Variants in RECQL observed in about 807,000 individuals in gnomAD.
The protein encoded by RECQL is ATP-dependent DNA helicase Q1.
A neutral mutation model predicts 75.8 loss-of-function variants in RECQL; 73 were observed. The observed-to-expected ratio is 0.96, with a 90% CI of 0.80 to 1.17. RECQL has a LOEUF of 1.17. RECQL is among the 50% of genes most tolerant of loss of function. RECQL has a pLI of 0.00. For synonymous variants in RECQL, 248 were observed against 254.4 expected (o/e 0.97, Z 0.24); for missense variants, 699 against 772.1 (o/e 0.91, Z 1.12).
Position 21,474,918 on chromosome 12 carries a change from T to C in RECQL, c.1278A>G (p.Ile426Met), listed in dbSNP as rs1418307849. Reference sequence around the variant, plus strand: ...CATTTTCCATCACCACCATTGAACTTATTCTGAATATATCTCCAAAGCCGT... The same window carrying C: ...CATTTTCCATCACCACCATTGAACTCATTCTGAATATATCTCCAAAGCCGT... ...LYYGFGDIFR[I>M]SSMVVMENVG... is the part of the protein sequence containing the mutation. The change falls in exon 11 of 15, where the codon ATA becomes ATG. Residue 426 changes from isoleucine to methionine, a missense_variant. Coordinates refer to ENST00000444129, the MANE Select transcript of RECQL (RefSeq NM_002907.4). 6.8e-6 allele frequency: 11 copies of C among 1,613,036 alleles called. No homozygotes were observed. Among genetic ancestry groups the C allele is most frequent in the Non-Finnish European group, 8.5e-6 (10 of 1,179,226 alleles).
chr12:21,494,106 GGTGTGTCACACA>G (rs1159466264), intron 2 of RECQL, among the ~76,000 whole-genome samples: 1 of 152,170 alleles, frequency 6.6e-6, no homozygotes. Flanking sequence ...AAGGGGGGCA[GGTGTGTCACACA>G]GTGGGAGATA....
intron 2 of RECQL, among the ~76,000 whole-genome samples, chr12:21,495,933 G>A (rs1177715515): frequency 6.6e-6 from 1 of 152,156 alleles, no homozygotes; most frequent in Non-Finnish European, 1.5e-5. Context: ...GTTTCAGAAT[G>A]TATACTGAGA....
chr12:21,476,894 G>T lies in RECQL; in HGVS notation c.949+17C>A, dbSNP rs753467065. 3.8e-6 allele frequency: 6 copies of T among 1,567,466 alleles called. No individual in the cohort carries two copies. The highest frequency in any genetic ancestry group is 1.2e-5 in the South Asian group (1 of 84,690). ...AAAGTTATCTCTGTCTCCAAAGTTG[G>T]TTTGTTTTTACATTACCTGATTGCC... On this transcript the variant is annotated intron_variant, in intron 8 of 14. Coordinates refer to ENST00000444129, the MANE Select transcript of RECQL (RefSeq NM_002907.4).
chr12:21,480,385 G>T (rs1262127249), intron 6 of RECQL, among the ~76,000 whole-genome samples: 2 of 152,218 alleles, frequency 1.3e-5, no homozygotes, highest in African/African-American at 4.8e-5. Context: ...GTGGAAGGGA[G>T]CTCAACTGTA....
chr12:21,491,448 AAG>A, intron 3 of RECQL, 69 bp downstream of exon 3: 1 of 1,430,876 alleles, frequency 7.0e-7, no homozygotes, highest in Non-Finnish European at 9.3e-7. Context: ...CTGTCCCATC[AAG>A]AATTCATTCT....
At chr12:21,471,299 T>C in intron 13 of RECQL, 129 bp downstream of exon 13, 2 of 986,052 alleles carry the variant, frequency 2.0e-6, no homozygotes, top group Non-Finnish European at 1.5e-6. Context: ...TTGAGTGTTT[T>C]AGGTAAATTA....
rs1420262853 is a variant in RECQL, at chr12:21,483,477, A to C, written c.599T>G (p.Phe200Cys). 1.3e-6 allele frequency: 2 copies of C among 1,590,384 alleles called. No homozygotes were observed. The highest frequency in any genetic ancestry group is 4.5e-5 in the East Asian group (2 of 44,414). The change falls in exon 6 of 15, where the codon TTT (phenylalanine) becomes TGT (cysteine). Residue 200 changes from phenylalanine (F) to cysteine (C), a missense_variant. Coordinates refer to ENST00000444129, the MANE Select transcript of RECQL (RefSeq NM_002907.4). The part of the protein sequence containing the change: ...TPEKIAKSKM[F>C]MSRLEKAYEA... Reference sequence around the variant, plus strand: ...ATAGGCTTTCTCTAGTCTTGACATAAACATTTTGCTTTTTGCAATTTTCTC... The same window carrying C: ...ATAGGCTTTCTCTAGTCTTGACATACACATTTTGCTTTTTGCAATTTTCTC...
At chr12:21,476,477 C>T (rs1000385481) in intron 8 of RECQL, among the ~76,000 whole-genome samples, 1 of 152,028 alleles carries the variant, frequency 6.6e-6, no homozygotes, top group Non-Finnish European at 1.5e-5. Context: ...ACTCACAACT[C>T]GATCTGTGCT....
At position 21,471,474 on chromosome 12, in the gene RECQL, C is replaced by T. The variant is rs1036542585; in HGVS notation, c.1621G>A (p.Asp541Asn). 6.2e-7 allele frequency: 1 copy of T among 1,613,176 alleles called. No individual in the cohort carries two copies. Among genetic ancestry groups the T allele is most frequent in the Non-Finnish European group, 8.5e-7 (1 of 1,179,422 alleles). The change falls in exon 13 of 15, where the codon GAT becomes AAT. Residue 541 changes from aspartate (D) to asparagine (N), a missense_variant. Physicochemically the swap from Asp to Asn is conservative, Grantham distance 23. Transcript: ENST00000444129. ...AAGTGTGCAATAATCTTCTCCAGAT[C>T]TTCACGAGGAAGTGTGGGAGCCACA... ...GVVAPTLPRE[D>N]LEKIIAHFLI...
rs773053494 is a variant in RECQL at position 21,476,893 on chromosome 12, GGTTT to G, written c.949+14_949+17del. The G allele has an allele frequency of 3.7e-5, 57 of 1,544,452 alleles. No individual in the cohort carries two copies. Among genetic ancestry groups the G allele is most frequent in the Non-Finnish European group, 4.5e-5 (51 of 1,131,516 alleles). On this transcript the variant is annotated intron_variant, in intron 8 of 14. Transcript: ENST00000444129. Reference sequence around the variant, plus strand: ...GAAAGTTATCTCTGTCTCCAAAGTTGGTTTGTTTTTACATTACCTGATTGCCCTT... The same window carrying G: ...GAAAGTTATCTCTGTCTCCAAAGTTGGTTTTTACATTACCTGATTGCCCTT...
At chr12:21,495,735 A>G (rs746156211) in intron 2 of RECQL, among the ~76,000 whole-genome samples, 20 of 152,252 alleles carry the variant, frequency 1.3e-4, no homozygotes, top group Non-Finnish European at 2.8e-4. Context: ...GAGGTGATCA[A>G]TGCAGCTTTG....
At chr12:21,480,474 C>T (rs1241879558) in intron 6 of RECQL, among the ~76,000 whole-genome samples, 1 of 152,108 alleles carries the variant, frequency 6.6e-6, no homozygotes, top group African/African-American at 2.4e-5. Flanking sequence ...TAGTGGTGGA[C>T]TGGATCTGCA....
At chr12:21,474,259 A>T (rs10161130) in intron 11 of RECQL, among the ~76,000 whole-genome samples, 74,045 of 151,778 alleles carry the variant, frequency 0.49, 18,239 homozygotes, top group Middle Eastern at 0.55. Flanking sequence ...AGATTATTGT[A>T]GTATCTATTG....
chr12:21,475,680 A>T lies in RECQL; in HGVS notation c.1094T>A (p.Ile365Asn). ...TATGGAAGATATAGACCTAACCTGA[A>T]TTTCATTGGCTGACCATTTTCTATG... ...TVHRKWSANE[I>N]QVVVATVAFG... The change falls in exon 9 of 15, where the codon ATT becomes AAT. Residue 365 changes from isoleucine to asparagine, a missense_variant. Around this residue, in one of 2 missense-constraint regions of RECQL, gnomAD observed 669 missense variants for 713.5 expected, o/e 0.94. Transcript: ENST00000444129. 6.2e-7 allele frequency: 1 copy of T among 1,613,254 alleles called. No individual in the cohort carries two copies. The highest frequency in any genetic ancestry group is 8.5e-7 in the Non-Finnish European group (1 of 1,179,428).
chr12:21,491,442 C>T, intron 3 of RECQL, 77 bp downstream of exon 3: 2 of 1,376,642 alleles, frequency 1.5e-6, no homozygotes, highest in South Asian at 3.0e-5. Flanking sequence ...AAAGCACTGT[C>T]CCATCAAGAA....
intron 5 of RECQL, among the ~76,000 whole-genome samples, chr12:21,484,758 T>C (rs1565570041): frequency 6.6e-6 from 1 of 151,698 alleles, no homozygotes; most frequent in East Asian, 1.9e-4. Context: ...CATATTGATA[T>C]ATATATATAT....
chr12:21,482,029 A>T (rs1252641434), intron 6 of RECQL, among the ~76,000 whole-genome samples: 4 of 152,096 alleles, frequency 2.6e-5, no homozygotes, highest in Non-Finnish European at 4.4e-5. Flanking sequence ...GTTAAAGGTG[A>T]AAAATGGAGA....
intron 10 of RECQL, among the ~76,000 whole-genome samples, chr12:21,475,196 C>T (rs543339012): frequency 6.6e-6 from 1 of 151,812 alleles, no homozygotes; most frequent in Non-Finnish European, 1.5e-5. Context: ...GTCTATAATC[C>T]AGTTAAGTTA....
chr12:21,473,518 A>G (rs1457936929), intron 12 of RECQL, 33 bp downstream of exon 12: 9 of 1,498,166 alleles, frequency 6.0e-6, no homozygotes, highest in African/African-American at 2.8e-5. Context: ...TGACTGTATT[A>G]GCCTATAAAG....
Sources: allele counts gnomAD v4.1 joint callset (sites outside exome capture counted in the v4.1 genomes callset), GRCh38; gene constraint gnomAD v4.1.1; regional missense constraint gnomAD v4.1.1; transcripts MANE v1.5; gene names NCBI Gene and HGNC (gene_info 2026-07-23, HGNC 2026-07-21).